The following PLXNA4 variants were observed in gnomAD, a reference collection of about 807,000 sequenced individuals.
PLXNA4 encodes plexin-A4.
In PLXNA4, 44 loss-of-function variants were observed where a neutral mutation model predicts 191.8. The ratio of observed to expected loss-of-function variants is 0.23; its 90% CI spans 0.18 to 0.29. PLXNA4 has a LOEUF of 0.29. PLXNA4 is among the 10% of genes least tolerant of loss of function. The pLI, the probability that PLXNA4 is intolerant of heterozygous loss-of-function variation, is 1.00. For synonymous variants in PLXNA4, 1,082 were observed against 1,009.5 expected (o/e 1.07, Z -1.36); for missense variants, 1,800 against 2,488.8 (o/e 0.72, Z 5.89).
In PLXNA4 at chr7:132,274,068, A is replaced by G. The variant is rs547532369; in HGVS notation, c.1503+24023T>C. 2.6e-5 allele frequency among the ~76,000 whole-genome samples: 4 copies of G among 152,182 alleles called. No individual in the cohort carries two copies. The South Asian group carries it at 8.3e-4, about 32-fold the overall frequency. Reference sequence around the variant, plus strand: ...AGCACCGTGTTGAGTGAAAGAAGCCAATACAAAAGAGTATGTATTGTATAA... The same window carrying G: ...AGCACCGTGTTGAGTGAAAGAAGCCGATACAAAAGAGTATGTATTGTATAA... On this transcript the variant is annotated intron_variant, in intron 4 of 31. Transcript: ENST00000321063.
chr7:132,305,835 C>G (rs904480390), intron 3 of PLXNA4, among the ~76,000 whole-genome samples: 7 of 152,152 alleles, frequency 4.6e-5, no homozygotes, highest in Admixed American at 4.6e-4. Context: ...TGCAGGCCAC[C>G]TCTGCACTCT....
chr7:132,593,633 C>T (rs953857309), intron 2 of PLXNA4, among the ~76,000 whole-genome samples: 28 of 152,312 alleles, frequency 1.8e-4, no homozygotes, highest in African/African-American at 6.3e-4. Context: ...GCCTCCACGT[C>T]GTGCCATCAC....
upstream of PLXNA4, among the ~76,000 whole-genome samples, chr7:132,580,001 G>T (rs576226598): frequency 6.6e-6 from 1 of 152,068 alleles, no homozygotes; most frequent in African/African-American, 2.4e-5. Context: ...TCCTGGCTCT[G>T]TCATTGGCCA....
chr7:132,489,059 T>G (rs1333965365), intron 3 of PLXNA4, among the ~76,000 whole-genome samples: 2 of 152,222 alleles, frequency 1.3e-5, no homozygotes, highest in Non-Finnish European at 2.9e-5. Context: ...ACCTCTCATG[T>G]GCACACCAGC....
chr7:132,131,049 C>A (rs1794912055), intron 31 of PLXNA4, among the ~76,000 whole-genome samples: 1 of 152,108 alleles, frequency 6.6e-6, no homozygotes, highest in East Asian at 1.9e-4. Context: ...TCCTTGAGGC[C>A]CCAAATTCTA....
chr7:132,372,472 C>T (rs1804486030), intron 3 of PLXNA4, among the ~76,000 whole-genome samples: 1 of 152,220 alleles, frequency 6.6e-6, no homozygotes, highest in South Asian at 2.1e-4. Flanking sequence ...TGAAGGAGGT[C>T]AGGTAGATCT....
intron 27 of PLXNA4, among the ~76,000 whole-genome samples, chr7:132,147,324 C>T (rs746790902): frequency 4.6e-5 from 7 of 152,288 alleles, no homozygotes; most frequent in African/African-American, 1.7e-4. Flanking sequence ...CCTGTTCAGT[C>T]GGTAGATTTT....
At position 132,133,126 on chromosome 7, in the gene PLXNA4, G is replaced by A. The variant is rs375135413; in HGVS notation, c.5512C>T (p.Arg1838Trp). ...GTGTTGAACTCATTCATGTGCATCC[G>A]GGACTGCTCAGCCAGGTATGCGTTC... ...DMNAYLAEQS[R>W]MHMNEFNTMS... The change falls in exon 31 of 32, where the codon CGG becomes TGG. Residue 1838 changes from arginine to tryptophan, a missense_variant. Arg to Trp is a moderately radical substitution (Grantham distance 101). This residue lies in a region of PLXNA4 where 83 missense variants were observed against 81.6 expected (regional missense o/e 1.02). Transcript: ENST00000321063. The A allele has an allele frequency of 4.9e-5, 79 of 1,614,036 alleles. No homozygotes were observed. Among genetic ancestry groups the A allele is most frequent in the Non-Finnish European group, 6.5e-5 (77 of 1,180,040 alleles).
intron 22 of PLXNA4, 118 bp from the exon 23 acceptor site, chr7:132,165,318 G>C (rs78208160): frequency 3.6e-6 from 5 of 1,404,454 alleles, no homozygotes; most frequent in Non-Finnish European, 2.8e-6. Flanking sequence ...TGCTTCTAGC[G>C]TTTAGGCCAA....
At chr7:132,378,991 T>C (rs757496308) in intron 3 of PLXNA4, among the ~76,000 whole-genome samples, 15 of 151,800 alleles carry the variant, frequency 9.9e-5, no homozygotes, top group African/African-American at 2.9e-4. Context: ...GCTGGGATTA[T>C]AGGTGCACAC....
chr7:132,346,096 C>T (rs182466125), intron 3 of PLXNA4, among the ~76,000 whole-genome samples: 6 of 152,290 alleles, frequency 3.9e-5, no homozygotes, highest in South Asian at 2.1e-4. Context: ...ACCTTGTTCC[C>T]GCAGACAGCT....
intron 2 of PLXNA4, among the ~76,000 whole-genome samples, chr7:132,644,957 T>A (rs1245043987): frequency 6.6e-6 from 1 of 152,200 alleles, no homozygotes; most frequent in African/African-American, 2.4e-5. Context: ...GCTGAAAGCC[T>A]GAGGGTATTG....
chr7:132,567,371 T>C (rs769310432), intron 1 of PLXNA4, among the ~76,000 whole-genome samples: 2 of 134,736 alleles, frequency 1.5e-5, no homozygotes, highest in Non-Finnish European at 3.1e-5. Flanking sequence ...TTTAATTCCA[T>C]GTGCATCCAT....
chr7:132,186,707 C>CTTT (rs1385180410), intron 15 of PLXNA4, among the ~76,000 whole-genome samples: 3 of 152,208 alleles, frequency 2.0e-5, no homozygotes, highest in African/African-American at 7.2e-5. Context: ...CCCTATCTTG[C>CTTT]TTTTAACCTC....
intron 3 of PLXNA4, among the ~76,000 whole-genome samples, chr7:132,476,247 G>A (rs1407545171): frequency 1.3e-5 from 2 of 152,158 alleles, no homozygotes; most frequent in Non-Finnish European, 2.9e-5. Flanking sequence ...TAGCCACCGG[G>A]CAACTCCTTA....
At chr7:132,513,671 T>C (rs1798827047) in intron 1 of PLXNA4, among the ~76,000 whole-genome samples, 1 of 152,114 alleles carries the variant, frequency 6.6e-6, no homozygotes, top group Non-Finnish European at 1.5e-5. Context: ...TTTTGTTTTG[T>C]TTTGTTTTGT....
In PLXNA4 at chr7:132,132,141, C is replaced by G. The variant is rs555878452; in HGVS notation, c.5589+908G>C. ...ACTAGAAGCCCAGGAAGACACAGGC[C>G]TCCTCCTACCCAGCAGTGTCGTGTG... On this transcript the variant is annotated intron_variant, in intron 31 of 31. Coordinates refer to ENST00000321063, the MANE Select transcript of PLXNA4 (RefSeq NM_020911.2). Among the ~76,000 whole-genome samples the G allele has an allele frequency of 5.3e-5, 8 of 152,342 alleles. No individual in the cohort carries two copies. In the South Asian group the frequency reaches 1.7e-3, roughly 32 times the overall value.
At chr7:132,568,670 G>A (rs989763172) in intron 1 of PLXNA4, among the ~76,000 whole-genome samples, 60 of 152,242 alleles carry the variant, frequency 3.9e-4, no homozygotes, top group African/African-American at 1.3e-3. Flanking sequence ...TTATTAAAAA[G>A]CAGGAATTGA....
At chr7:132,185,491 G>A (rs757484202) in intron 15 of PLXNA4, 28 bp from the exon 16 acceptor site, 2 of 1,598,548 alleles carry the variant, frequency 1.3e-6, no homozygotes, top group South Asian at 2.3e-5. Flanking sequence ...AGAGCACTGG[G>A]CGCCTGGTGT....
Sources: gnomAD v4.1 joint callset for allele counts (sites outside exome capture counted in the v4.1 genomes callset) on GRCh38, gnomAD v4.1.1 for gene constraint, gnomAD v4.1.1 regional missense constraint, MANE v1.5 for transcripts, NCBI Gene and HGNC (gene_info 2026-07-23, HGNC 2026-07-21) for gene names.